The following DGKD variants were observed in gnomAD, a reference collection of about 807,000 sequenced individuals.
The protein encoded by DGKD is diacylglycerol kinase delta, also known as DAG kinase delta.
In DGKD, 68 loss-of-function variants were observed where a neutral mutation model predicts 154.4. The ratio of observed to expected loss-of-function variants is 0.44; its 90% CI spans 0.36 to 0.54. DGKD has a LOEUF of 0.54. Among genes scored for constraint, DGKD ranks in the 20% least tolerant of loss-of-function variants. The probability of loss-of-function intolerance (pLI) is 0.00; values close to 1 mark genes in which losing one functional copy is unlikely to be tolerated. For missense variants in DGKD, 1,343 were observed against 1,593.6 expected (o/e 0.84, Z 2.68); for synonymous variants, 693 against 638.0 (o/e 1.09, Z -1.30).
At position 233,448,374 on chromosome 2, in the gene DGKD, A is replaced by G. The variant is rs774678095; in HGVS notation, c.1613A>G (p.Lys538Arg). ...SSEESEVMAK[K>R]CSVLKEKLDS... ...GAGGAGTCAGAGGTCATGGCCAAGAAGGTCTGTTCCCGTGCCCTGGGTGGG... is the reference window on the plus strand; with the variant it reads ...GAGGAGTCAGAGGTCATGGCCAAGAGGGTCTGTTCCCGTGCCCTGGGTGGG... The change falls in exon 14 of 30, where the codon AAG becomes AGG. Residue 538 changes from lysine to arginine, a missense_variant and splice_region_variant. Lys to Arg is a conservative substitution (Grantham distance 26). This residue lies in a region of DGKD where 409 missense variants were observed against 446.0 expected (regional missense o/e 0.92). Transcript: ENST00000264057. 2 of 1,613,610 alleles carry G rather than the reference A, an allele frequency of 1.2e-6. No individual in the cohort carries two copies. The highest frequency in any genetic ancestry group is 1.7e-6 in the Non-Finnish European group (2 of 1,179,816).
chr2:233,420,496 CTTTGGTG>C (rs1169670295), intron 3 of DGKD, among the ~76,000 whole-genome samples: 1 of 152,172 alleles, frequency 6.6e-6, no homozygotes, highest in Non-Finnish European at 1.5e-5. Flanking sequence ...GGCATCCTAA[CTTTGGTG>C]TTTGTCATTT....
intron 1 of DGKD, among the ~76,000 whole-genome samples, chr2:233,357,983 A>T (rs922472928): frequency 6.6e-6 from 1 of 152,246 alleles, no homozygotes. Context: ...TCTTTAGCAT[A>T]TTGAAAATTT....
rs1254411189 is a variant in DGKD, at chr2:233,444,171, C to T, written c.1195-1452C>T. Among the ~76,000 whole-genome samples the T allele has an allele frequency of 5.9e-5, 9 of 152,272 alleles. No individual in the cohort carries two copies. In the East Asian group the frequency reaches 1.7e-3, roughly 29 times the overall value. ...TCCAACACTACACCACGTTCAGCCC[C>T]CACCCTGCGTTCCTTTCCTTCGAGT... On this transcript the variant is annotated intron_variant, in intron 10 of 29. Coordinates refer to ENST00000264057, the MANE Select transcript of DGKD (RefSeq NM_152879.3).
chr2:233,379,037 AAAAC>A (rs1334206484), intron 1 of DGKD, among the ~76,000 whole-genome samples: 1 of 152,238 alleles, frequency 6.6e-6, no homozygotes, highest in Non-Finnish European at 1.5e-5. Context: ...TTTCAAAACA[AAAAC>A]AAAACTTCCT....
At chr2:233,430,415 G>A (rs1465479703) in intron 3 of DGKD, among the ~76,000 whole-genome samples, 1 of 152,212 alleles carries the variant, frequency 6.6e-6, no homozygotes, top group East Asian at 1.9e-4. Context: ...CCTGGATATT[G>A]CTAAGGAGTG....
chr2:233,390,632 AG>A (rs1703537406), intron 3 of DGKD, 149 bp downstream of exon 3: 2 of 639,672 alleles, frequency 3.1e-6, no homozygotes. Flanking sequence ...TAATGCTGAA[AG>A]TAATACTGTG....
Position 233,434,424 on chromosome 2 carries a change from A to C in DGKD, c.393A>C (p.Arg131Ser). 6.2e-7 allele frequency: 1 copy of C among 1,614,206 alleles called. No homozygotes were observed. Among genetic ancestry groups the C allele is most frequent in the Non-Finnish European group, 8.5e-7 (1 of 1,180,036 alleles). Residue 131 changes from arginine to serine, a missense_variant, in exon 4 of 30, where the codon AGA becomes AGC. Arg to Ser is a moderately radical substitution (Grantham distance 110). This residue lies in a region of DGKD where 332 missense variants were observed against 400.1 expected (regional missense o/e 0.83). Transcript: ENST00000264057. ...CRKLILCADNRKEMEDWIAAL... is the reference protein window; with the variant it reads ...CRKLILCADNSKEMEDWIAAL... ...AGCTCATCTTGTGTGCTGATAACAGAAAAGAAATGGAAGATTGGATTGCAG... is the reference window on the plus strand; with the variant it reads ...AGCTCATCTTGTGTGCTGATAACAGCAAAGAAATGGAAGATTGGATTGCAG...
intron 3 of DGKD, among the ~76,000 whole-genome samples, chr2:233,425,054 G>T (rs530725345): frequency 1.3e-5 from 2 of 152,258 alleles, no homozygotes; most frequent in Non-Finnish European, 2.9e-5. Flanking sequence ...ATTTAGAGTA[G>T]CAAGGTATTT....
chr2:233,445,605 T>A lies in DGKD; in HGVS notation c.1195-18T>A. The stretch of plus-strand genomic sequence containing the variant: ...CCCCCAGGTGTTTGCCTGCGCATCG[T>A]CCCCCATGTTTCCTTAGTGTCAGCT... On this transcript the variant is annotated intron_variant, in intron 10 of 29. Coordinates refer to ENST00000264057, the MANE Select transcript of DGKD (RefSeq NM_152879.3). This position sits in a 1 kb window ranked among gnomAD's most constrained non-coding sequence, Gnocchi z 5.5. 6.3e-7 allele frequency: 1 copy of A among 1,592,310 alleles called. No individual in the cohort carries two copies. The highest frequency in any genetic ancestry group is 8.6e-7 in the Non-Finnish European group (1 of 1,169,000).
intron 26 of DGKD, among the ~76,000 whole-genome samples, chr2:233,463,197 A>C (rs1346565960): frequency 6.6e-6 from 1 of 152,134 alleles, no homozygotes. Flanking sequence ...GGCTTGATAA[A>C]GATTGGGCAA....
intron 7 of DGKD, 81 bp from the exon 8 acceptor site, chr2:233,437,296 C>G: frequency 7.5e-7 from 1 of 1,326,790 alleles, no homozygotes; most frequent in Non-Finnish European, 1.1e-6. Context: ...GAGGCCAGCT[C>G]ATCAGCTACA....
intron 3 of DGKD, among the ~76,000 whole-genome samples, chr2:233,428,941 T>A (rs938634843): frequency 1.3e-5 from 2 of 152,222 alleles, no homozygotes; most frequent in Admixed American, 6.5e-5. Flanking sequence ...GACATTTATC[T>A]GTTGCTCAGT....
chr2:233,404,495 C>T (rs1270810953), intron 3 of DGKD, among the ~76,000 whole-genome samples: 1 of 152,102 alleles, frequency 6.6e-6, no homozygotes, highest in Non-Finnish European at 1.5e-5. Context: ...GTTACCTGCC[C>T]TGAGAGTTGA....
At chr2:233,464,838 A>G (rs2063777915) in intron 27 of DGKD, among the ~76,000 whole-genome samples, 2 of 152,222 alleles carry the variant, frequency 1.3e-5, no homozygotes, top group African/African-American at 4.8e-5. Flanking sequence ...GTGTCTGGAC[A>G]AGGACAAACC....
chr2:233,365,054 AATT>A (rs1394710088), intron 1 of DGKD, among the ~76,000 whole-genome samples: 2 of 152,210 alleles, frequency 1.3e-5, no homozygotes, highest in Non-Finnish European at 2.9e-5. Flanking sequence ...TGGATATAAT[AATT>A]TAAAATTTGG....
In DGKD at chr2:233,469,456, C is replaced by T. The variant is rs952136395; in HGVS notation, c.3641C>T (p.Ala1214Val). Residue 1214 changes from alanine (A) to valine (V), a missense_variant, in exon 30 of 30, where the codon GCC (alanine) becomes GTC (valine). Physicochemically the swap from Ala to Val is moderately conservative, Grantham distance 64 (BLOSUM62 0). Transcript: ENST00000264057. ...AGCCGCAGCGCCCCCGCCGTCGAGG[C>T]CTAGCCTCTGTCCTCTCAGCCTGTG... ...ELSRSAPAVE[A>V] is the part of the protein sequence containing the mutation. The T allele has an allele frequency of 6.3e-7, 1 of 1,596,918 alleles. No individual in the cohort carries two copies. Among genetic ancestry groups the T allele is most frequent in the Admixed American group, 1.7e-5 (1 of 57,824 alleles).
intron 3 of DGKD, among the ~76,000 whole-genome samples, chr2:233,420,246 C>T (rs1165040278): frequency 6.6e-6 from 1 of 152,172 alleles, no homozygotes; most frequent in Non-Finnish European, 1.5e-5. Context: ...TCAGGCTGAC[C>T]TGTTAACCTT....
At chr2:233,447,642 A>G (rs1351793219) in intron 12 of DGKD, 8 of 1,004,104 alleles carry the variant, frequency 8.0e-6, no homozygotes, top group Non-Finnish European at 9.5e-6. Flanking sequence ...TCCCACAGGG[A>G]TAGGGCTGCC....
At chr2:233,411,405 C>T (rs1176715638) in intron 3 of DGKD, among the ~76,000 whole-genome samples, 1 of 152,146 alleles carries the variant, frequency 6.6e-6, no homozygotes, top group Admixed American at 6.5e-5. Context: ...TGTAGTGTTA[C>T]CCCATTGTGG....
Sources: allele counts gnomAD v4.1 joint callset (sites outside exome capture counted in the v4.1 genomes callset), GRCh38; gene constraint gnomAD v4.1.1; regional missense constraint gnomAD v4.1.1; non-coding constraint Gnocchi (gnomAD v3.1); transcripts MANE v1.5; gene names NCBI Gene and HGNC (gene_info 2026-07-23, HGNC 2026-07-21).